RNF220: variants seen among roughly 807,000 people sequenced by gnomAD.
RNF220 encodes the protein E3 ubiquitin-protein ligase RNF220.
In RNF220, 7 loss-of-function variants were observed where a neutral mutation model predicts 67.1. That is an observed-to-expected ratio of 0.10 (90% CI 0.06 to 0.20). The LOEUF is 0.20. Among genes scored for constraint, RNF220 ranks in the 10% least tolerant of loss-of-function variants. The pLI is 1.00. For synonymous variants in RNF220, 270 were observed against 283.2 expected (o/e 0.95, Z 0.47); for missense variants, 565 against 740.3 (o/e 0.76, Z 2.75).
intron 2 of RNF220, among the ~76,000 whole-genome samples, chr1:44,541,922 TA>T (rs1392972690): frequency 6.6e-6 from 1 of 152,242 alleles, no homozygotes; most frequent in Non-Finnish European, 1.5e-5. Context: ...AGAAAAATTT[TA>T]ACTTCAGAAT....
At chr1:44,615,355 AC>A in intron 3 of RNF220, among the ~76,000 whole-genome samples, 1 of 151,912 alleles carries the variant, frequency 6.6e-6, no homozygotes, top group African/African-American at 2.4e-5. Flanking sequence ...GAGGACATAC[AC>A]CCCCCTTTTG....
chr1:44,474,968 C>T lies in RNF220; in HGVS notation c.625+62246C>T, dbSNP rs115603205. Among the ~76,000 whole-genome samples, 10 of 151,926 alleles carry T rather than the reference C, an allele frequency of 6.6e-5. No homozygotes were observed. The South Asian group carries it at 1.0e-3, about 16-fold the overall frequency. ...CGAAGGGACAACTGTATTTTGTAAA[C>T]GCAGTGATATACAATTGGAGAATTT... On this transcript the variant is annotated intron_variant, in intron 2 of 14. Coordinates refer to ENST00000361799, the MANE Select transcript of RNF220 (RefSeq NM_018150.4).
intron 2 of RNF220, among the ~76,000 whole-genome samples, chr1:44,439,681 C>T (rs1572506896): frequency 6.6e-6 from 1 of 151,900 alleles, no homozygotes; most frequent in East Asian, 1.9e-4. Context: ...CCTTAGAAAG[C>T]TGTAAGGCCA....
chr1:44,571,957 T>A lies in RNF220; in HGVS notation c.626-42208T>A, dbSNP rs1664474483. On this transcript the variant is annotated intron_variant, in intron 2 of 14. Transcript: ENST00000361799. ...ATCCTACCCTTAAATAGCTCTCAGA[T>A]CAGTCCACTTCCCTCCATTTCCAAG... Among the ~76,000 whole-genome samples, 5 of 152,204 alleles carry A rather than the reference T, an allele frequency of 3.3e-5. No individual in the cohort carries two copies. In the South Asian group the frequency reaches 8.3e-4, roughly 25 times the overall value.
In RNF220 at chr1:44,540,081, C is replaced by A. The variant is rs143619635; in HGVS notation, c.626-74084C>A. 7.7e-3 allele frequency among the ~76,000 whole-genome samples: 1,176 copies of A among 152,308 alleles called. 11 individuals carry two copies. The highest frequency in any genetic ancestry group is 0.027 in the African/African-American group (1,120 of 41,552). On this transcript the variant is annotated intron_variant, in intron 2 of 14. Coordinates refer to ENST00000361799, the MANE Select transcript of RNF220 (RefSeq NM_018150.4). The stretch of plus-strand genomic sequence containing the variant: ...GAGAAATCCATCATTTAAAGGCATT[C>A]TTCCACACTGGCTTCAGCTGAACTT...
intron 2 of RNF220, among the ~76,000 whole-genome samples, chr1:44,435,103 G>C (rs1650829442): frequency 6.6e-6 from 1 of 151,094 alleles, no homozygotes; most frequent in African/African-American, 2.4e-5. Context: ...TCCCATAGTA[G>C]GTACTCAATA....
chr1:44,465,069 A>G (rs562561143), intron 2 of RNF220, among the ~76,000 whole-genome samples: 24 of 152,340 alleles, frequency 1.6e-4, no homozygotes, highest in African/African-American at 5.5e-4. Context: ...TAAAACTTCA[A>G]TAAATTAATG....
rs999390105 is a variant in RNF220 at position 44,565,934 on chromosome 1, C to T, written c.626-48231C>T. ...CTTCTCACTCCCCACCTCAGCCTCT[C>T]GCCCTCCCTCTCTGCTCCACATTGA... On this transcript the variant is annotated intron_variant, in intron 2 of 14. Coordinates refer to ENST00000361799, the MANE Select transcript of RNF220 (RefSeq NM_018150.4). This position sits in a 1 kb window ranked among gnomAD's most constrained non-coding sequence, Gnocchi z 4.2. Among the ~76,000 whole-genome samples the T allele has an allele frequency of 2.0e-5, 3 of 152,146 alleles. No individual in the cohort carries two copies. The highest frequency in any genetic ancestry group is 2.9e-5 in the Non-Finnish European group (2 of 68,018).
chr1:44,427,658 G>A (rs889960805), intron 2 of RNF220, among the ~76,000 whole-genome samples: 6 of 152,232 alleles, frequency 3.9e-5, no homozygotes, highest in African/African-American at 7.2e-5. Context: ...AGTAGTTTAA[G>A]AAGAGCTAAA....
chr1:44,622,837 A>C lies in RNF220; in HGVS notation c.804+50A>C. 1 of 1,524,738 alleles carries C rather than the reference A, an allele frequency of 6.6e-7. No individual in the cohort carries two copies. Among genetic ancestry groups the C allele is most frequent in the Non-Finnish European group, 9.1e-7 (1 of 1,100,662 alleles). 94.5% of individuals were successfully genotyped at this position (1,524,738 alleles called of 1,614,324 possible). ...CTCCTGCCCATACTAACCTAGGCCT[A>C]CCCAGAACTGGTTCCTCCTGAGAAA... On this transcript the variant is annotated intron_variant, in intron 4 of 14. Transcript: ENST00000361799. The surrounding 1 kb of genome is among the most constrained non-coding windows in gnomAD (Gnocchi z 4.3).
intron 2 of RNF220, among the ~76,000 whole-genome samples, chr1:44,605,667 G>A (rs1057219594): frequency 1.6e-4 from 24 of 152,138 alleles, no homozygotes; most frequent in African/African-American, 2.4e-4. Flanking sequence ...AAGAGGCTTC[G>A]GGAACACAGA....
At position 44,624,719 on chromosome 1, in the gene RNF220, G is replaced by C. The variant is rs1269198906; in HGVS notation, c.805-1578G>C. 2.0e-5 allele frequency among the ~76,000 whole-genome samples: 3 copies of C among 152,152 alleles called. No homozygotes were observed. The East Asian group carries it at 5.8e-4, about 29-fold the overall frequency. ...GAGAGGGCGAGGGGGCCTTAGACAA[G>C]ATTGATGGCCTCGTTGCCATTAAGA... is the stretch of plus-strand genomic sequence containing the variant. On this transcript the variant is annotated intron_variant, in intron 4 of 14. Transcript: ENST00000361799. This position sits in a 1 kb window ranked among gnomAD's most constrained non-coding sequence, Gnocchi z 4.2.
At chr1:44,587,404 C>T (rs1362845301) in intron 2 of RNF220, among the ~76,000 whole-genome samples, 1 of 152,196 alleles carries the variant, frequency 6.6e-6, no homozygotes, top group African/African-American at 2.4e-5. Flanking sequence ...ACCTCAGCCT[C>T]CCAAATTGCT....
In RNF220 at chr1:44,438,870, A is replaced by G. The variant is rs558533375; in HGVS notation, c.625+26148A>G. Among the ~76,000 whole-genome samples the G allele has an allele frequency of 3.3e-5, 5 of 152,312 alleles. No homozygotes were observed. In the South Asian group the frequency reaches 1.0e-3, roughly 32 times the overall value. ...ATAAGTAGGGTCATACCAAATGCTG[A>G]TTTGTTACTTTCTTTTTCACTTTTT... On this transcript the variant is annotated intron_variant, in intron 2 of 14. Coordinates refer to ENST00000361799, the MANE Select transcript of RNF220 (RefSeq NM_018150.4).
intron 2 of RNF220, among the ~76,000 whole-genome samples, chr1:44,582,688 C>T (rs1011935865): frequency 4.1e-5 from 6 of 145,580 alleles, no homozygotes; most frequent in Admixed American, 2.9e-4. Context: ...ATCCGGAAGG[C>T]GGAGGTTGCA....
chr1:44,414,870 A>G (rs1219347944), intron 2 of RNF220, among the ~76,000 whole-genome samples: 4 of 148,656 alleles, frequency 2.7e-5, no homozygotes, highest in African/African-American at 5.1e-5. Flanking sequence ...CATAAAACCT[A>G]TAGGAGTGTC....
intron 2 of RNF220, among the ~76,000 whole-genome samples, chr1:44,531,625 T>A (rs1169568122): frequency 2.0e-5 from 3 of 152,184 alleles, no homozygotes; most frequent in African/African-American, 7.2e-5. Context: ...AAATTGAAGA[T>A]TTCTGACTTT....
chr1:44,515,971 T>C (rs1659422573), intron 2 of RNF220, among the ~76,000 whole-genome samples: 1 of 152,236 alleles, frequency 6.6e-6, no homozygotes, highest in Admixed American at 6.5e-5. Flanking sequence ...TGCCCGTCAG[T>C]GCGGATCTGA....
intron 5 of RNF220, among the ~76,000 whole-genome samples, chr1:44,627,531 T>A (rs1643993041): frequency 6.6e-6 from 1 of 151,990 alleles, no homozygotes; most frequent in Non-Finnish European, 1.5e-5. Flanking sequence ...AAGGGTAGCA[T>A]CTTAGCTATA....
Sources: allele counts gnomAD v4.1 joint callset (sites outside exome capture counted in the v4.1 genomes callset), GRCh38; gene constraint gnomAD v4.1.1; non-coding constraint Gnocchi (gnomAD v3.1); transcripts MANE v1.5; gene names NCBI Gene and HGNC (gene_info 2026-07-23, HGNC 2026-07-21).